Variants in SUGCT observed in about 807,000 individuals in gnomAD.
SUGCT encodes succinyl-CoA:glutarate CoA-transferase.
A neutral mutation model predicts 55.0 loss-of-function variants in SUGCT; 41 were observed. The observed-to-expected ratio is 0.74, with a 90% CI of 0.58 to 0.97. The LOEUF (loss-of-function observed/expected upper bound fraction) is 0.97. Ranked by LOEUF, SUGCT falls within the 50% of genes least tolerant of loss-of-function variation. SUGCT has a pLI of 0.00. For missense variants in SUGCT, 568 were observed against 547.8 expected, an observed-to-expected ratio of 1.04 and a Z score of -0.37; for synonymous variants, 187 against 200.4, an observed-to-expected ratio of 0.93 and a Z score of 0.56.
chr7:40,553,628 C>A (rs911587895), intron 12 of SUGCT, among the ~76,000 whole-genome samples: 1 of 152,132 alleles, frequency 6.6e-6, no homozygotes, highest in Admixed American at 6.6e-5. Context: ...TAATCATTAA[C>A]TGATAGTAAA....
intron 8 of SUGCT, among the ~76,000 whole-genome samples, chr7:40,287,823 G>A (rs1487615038): frequency 2.6e-5 from 4 of 152,068 alleles, no homozygotes; most frequent in Non-Finnish European, 4.4e-5. Context: ...TTAACAGGTC[G>A]AGGAAGTTCC....
At chr7:40,668,831 C>T (rs1319221367) in intron 12 of SUGCT, among the ~76,000 whole-genome samples, 1 of 152,112 alleles carries the variant, frequency 6.6e-6, no homozygotes, top group Non-Finnish European at 1.5e-5. Flanking sequence ...GTACTCTAGC[C>T]AAACACCACT....
At chr7:40,544,981 C>T (rs1794913274) in intron 12 of SUGCT, among the ~76,000 whole-genome samples, 1 of 152,114 alleles carries the variant, frequency 6.6e-6, no homozygotes, top group South Asian at 2.1e-4. Context: ...TTATACAGCC[C>T]TCTCCTCTCC....
intron 9 of SUGCT, among the ~76,000 whole-genome samples, chr7:40,349,568 C>T (rs1490734299): frequency 6.6e-6 from 1 of 152,222 alleles, no homozygotes; most frequent in East Asian, 1.9e-4. Flanking sequence ...CTGGGGCCCT[C>T]TCTAAGATCC....
intron 1 of SUGCT, among the ~76,000 whole-genome samples, chr7:40,170,764 A>C (rs1406856973): frequency 6.8e-6 from 1 of 146,344 alleles, no homozygotes; most frequent in African/African-American, 2.6e-5. Context: ...TTGCCTTTGC[A>C]CTCAGAGGTG....
chr7:41,030,451 C>A, the SUGCT span, among the ~76,000 whole-genome samples: 1 of 152,210 alleles, frequency 6.6e-6, no homozygotes, highest in South Asian at 2.1e-4. Flanking sequence ...AACATACAGT[C>A]TGGAAAATAC....
Position 40,382,320 on chromosome 7 carries a change from T to C in SUGCT, c.816+65465T>C, listed in dbSNP as rs1357616019. Among the ~76,000 whole-genome samples, 4 of 152,122 alleles carry C rather than the reference T, an allele frequency of 2.6e-5. No individual in the cohort carries two copies. In the East Asian group the frequency reaches 7.7e-4, roughly 29 times the overall value. On this transcript the variant is annotated intron_variant, in intron 9 of 13. Coordinates refer to ENST00000335693, the MANE Select transcript of SUGCT (RefSeq NM_001193313.2). ...GGTTTACTTTTCACACATTTATACA[T>C]GTGACTAAAAAAGGGAAAAGCTATT...
chr7:40,837,879 G>A (rs1021434684), intron 13 of SUGCT, among the ~76,000 whole-genome samples: 2 of 152,206 alleles, frequency 1.3e-5, no homozygotes, highest in Non-Finnish European at 2.9e-5. Flanking sequence ...CTCCCAAAGT[G>A]CTGGGATTAC....
At chr7:40,789,643 T>G (rs1027825693) in intron 13 of SUGCT, among the ~76,000 whole-genome samples, 1 of 151,974 alleles carries the variant, frequency 6.6e-6, no homozygotes, top group Non-Finnish European at 1.5e-5. Flanking sequence ...TACCCAGGAG[T>G]GGGATAGCTG....
intron 13 of SUGCT, among the ~76,000 whole-genome samples, chr7:40,809,752 CAGTT>C (rs777516647): frequency 1.3e-5 from 2 of 152,098 alleles, no homozygotes; most frequent in African/African-American, 2.4e-5. Flanking sequence ...TAGTACTCAA[CAGTT>C]AGTTTTTTAG....
the SUGCT span, among the ~76,000 whole-genome samples, chr7:40,893,088 C>T: frequency 2.0e-5 from 3 of 151,722 alleles, no homozygotes; most frequent in East Asian, 3.9e-4. Flanking sequence ...CAAAGAAGGT[C>T]GCTATATAAT....
chr7:40,949,200 G>A, the SUGCT span, among the ~76,000 whole-genome samples: 2 of 152,190 alleles, frequency 1.3e-5, no homozygotes, highest in Non-Finnish European at 2.9e-5. Context: ...TTTCTCTGAT[G>A]GCCAGTGATG....
intron 13 of SUGCT, among the ~76,000 whole-genome samples, chr7:40,853,381 T>C (rs1395510903): frequency 6.6e-6 from 1 of 152,144 alleles, no homozygotes; most frequent in African/African-American, 2.4e-5. Context: ...CTTTTTGTTT[T>C]TGAGACAGAG....
intron 9 of SUGCT, among the ~76,000 whole-genome samples, chr7:40,368,946 A>G (rs1338297196): frequency 6.6e-6 from 1 of 152,058 alleles, no homozygotes; most frequent in African/African-American, 2.4e-5. Context: ...TCTACTAAAA[A>G]TACAAAAATT....
chr7:40,374,952 T>A (rs1784473585), intron 9 of SUGCT, among the ~76,000 whole-genome samples: 1 of 152,130 alleles, frequency 6.6e-6, no homozygotes, highest in Admixed American at 6.6e-5. Context: ...CTCCACTCCC[T>A]CTTCCACAAA....
chr7:40,513,783 ATTTTTTTTTTT>A (rs869065628), intron 12 of SUGCT, among the ~76,000 whole-genome samples: 39 of 103,994 alleles, frequency 3.8e-4, no homozygotes, highest in Non-Finnish European at 6.8e-4. Context: ...TCAGGGAAGT[ATTTTTTTTTTT>A]TTTTTTTTTT....
intron 12 of SUGCT, among the ~76,000 whole-genome samples, chr7:40,518,905 C>T (rs1793388290): frequency 1.3e-5 from 2 of 152,034 alleles, no homozygotes; most frequent in African/African-American, 2.4e-5. Context: ...AATAAATATT[C>T]ATGATATAAT....
At position 40,316,955 on chromosome 7, in the gene SUGCT, GTTTT is replaced by G. The variant is rs56989808; in HGVS notation, c.816+115_816+118del. On this transcript the variant is annotated intron_variant, in intron 9 of 13. Transcript: ENST00000335693. The stretch of plus-strand genomic sequence containing the variant: ...CTTTTTATACACAAATCCTTCAGCT[GTTTT>G]TTTTTTTTTTTTTTGTAATGTATCT... The G allele has an allele frequency of 1.8e-3, 350 of 189,320 alleles. 8 individuals carry two copies. In the East Asian group the frequency reaches 0.025, roughly 14 times the overall value. 11.7% of individuals were successfully genotyped at this position (189,320 alleles called of 1,614,324 possible). A position where few individuals can be genotyped will look rare whatever the true frequency, so the allele number is the denominator to read the frequency against.
chr7:40,456,960 T>A (rs918776562), intron 10 of SUGCT, among the ~76,000 whole-genome samples: 1 of 152,188 alleles, frequency 6.6e-6, no homozygotes, highest in Non-Finnish European at 1.5e-5. Flanking sequence ...GAACATTAGA[T>A]GATAGGCATG....
Sources: gnomAD v4.1 joint callset for allele counts (sites outside exome capture counted in the v4.1 genomes callset) on GRCh38, gnomAD v4.1.1 for gene constraint, MANE v1.5 for transcripts, NCBI Gene and HGNC (gene_info 2026-07-23, HGNC 2026-07-21) for gene names.